BACH2: variants seen among roughly 807,000 people sequenced by gnomAD.
BACH2 encodes the protein transcription regulator protein BACH2.
In BACH2, 5 loss-of-function variants were observed where a neutral mutation model predicts 61.8. The observed-to-expected ratio is 0.08, with a 90% CI of 0.04 to 0.17. The LOEUF (loss-of-function observed/expected upper bound fraction) is 0.17. Ranked by LOEUF, BACH2 falls within the 10% of genes least tolerant of loss-of-function variation. The pLI is 1.00. For synonymous variants in BACH2, 446 were observed against 440.1 expected, an observed-to-expected ratio of 1.01 and a Z score of -0.17; for missense variants, 824 against 1,091.1, an observed-to-expected ratio of 0.76 and a Z score of 3.45.
At chr6:90,178,232 C>A (rs9344992) in intron 4 of BACH2, among the ~76,000 whole-genome samples, 1 of 152,066 alleles carries the variant, frequency 6.6e-6, no homozygotes, top group African/African-American at 2.4e-5. Context: ...AGCTCTAACA[C>A]TGAATTTCCC....
At chr6:90,145,563 G>A (rs1582416989) in intron 4 of BACH2, among the ~76,000 whole-genome samples, 1 of 152,178 alleles carries the variant, frequency 6.6e-6, no homozygotes, top group Non-Finnish European at 1.5e-5. Flanking sequence ...AGCTCTCCCA[G>A]AATGATGGAA....
intron 5 of BACH2, among the ~76,000 whole-genome samples, chr6:90,086,934 C>T (rs1371260907): frequency 6.6e-6 from 1 of 152,112 alleles, no homozygotes; most frequent in Non-Finnish European, 1.5e-5. Context: ...ATAATTACAT[C>T]ACTCACAACT....
chr6:89,974,109 C>T (rs1432001635), intron 6 of BACH2, among the ~76,000 whole-genome samples: 1 of 152,112 alleles, frequency 6.6e-6, no homozygotes, highest in Non-Finnish European at 1.5e-5. Context: ...ACCTGTTTCC[C>T]ACCTGTTAAA....
At chr6:90,065,140 A>G (rs1396239811) in intron 5 of BACH2, among the ~76,000 whole-genome samples, 2 of 151,864 alleles carry the variant, frequency 1.3e-5, no homozygotes, top group East Asian at 3.9e-4. Flanking sequence ...AAAAAAAAAA[A>G]GCCTATACAT....
intron 5 of BACH2, among the ~76,000 whole-genome samples, chr6:90,080,991 C>T (rs1347374084): frequency 6.6e-6 from 1 of 152,106 alleles, no homozygotes; most frequent in Non-Finnish European, 1.5e-5. Context: ...GCCACTGAGA[C>T]AACCACACCG....
At chr6:90,099,755 A>T (rs959074535) in intron 4 of BACH2, among the ~76,000 whole-genome samples, 1 of 152,212 alleles carries the variant, frequency 6.6e-6, no homozygotes, top group African/African-American at 2.4e-5. Flanking sequence ...AGGCTTAGGC[A>T]TTTTTTAACA....
Position 89,950,252 on chromosome 6 carries a change from T to TA in BACH2, c.1836+17_1836+18insT. ...CTAGAGAGTGGGTCACATGCTTGAA[T>TA]TTATGTGGGTTCCCTACCTCCTGGC... On this transcript the variant is annotated intron_variant, in intron 7 of 8. Transcript: ENST00000257749. This position sits in a 1 kb window ranked among gnomAD's most constrained non-coding sequence, Gnocchi z 5.3. The TA allele has an allele frequency of 6.2e-7, 1 of 1,613,926 alleles. No homozygotes were observed. The highest frequency in any genetic ancestry group is 8.5e-7 in the Non-Finnish European group (1 of 1,179,914).
At chr6:90,084,306 G>T (rs909514739) in intron 5 of BACH2, among the ~76,000 whole-genome samples, 1 of 151,972 alleles carries the variant, frequency 6.6e-6, no homozygotes, top group Non-Finnish European at 1.5e-5. Context: ...ATGTCATTTT[G>T]TCTCGGTGAC....
chr6:90,204,425 G>A (rs1769069782), intron 4 of BACH2, among the ~76,000 whole-genome samples: 1 of 152,128 alleles, frequency 6.6e-6, no homozygotes, highest in Non-Finnish European at 1.5e-5. Flanking sequence ...TGCCAAGAAA[G>A]CCATAAGAAA....
At chr6:90,148,888 C>T (rs569137647) in intron 4 of BACH2, among the ~76,000 whole-genome samples, 36 of 152,194 alleles carry the variant, frequency 2.4e-4, no homozygotes, top group African/African-American at 8.4e-4. Flanking sequence ...GTGGTGGTCT[C>T]GTGTACAGGG....
chr6:90,011,188 A>G (rs1289881198), intron 5 of BACH2, among the ~76,000 whole-genome samples: 1 of 152,176 alleles, frequency 6.6e-6, no homozygotes, highest in Non-Finnish European at 1.5e-5. Flanking sequence ...TAGCCCTTAC[A>G]TTTAGGTCTA....
chr6:89,949,225 T>C (rs1237604068), intron 7 of BACH2, among the ~76,000 whole-genome samples: 1 of 152,128 alleles, frequency 6.6e-6, no homozygotes, highest in Admixed American at 6.5e-5. Flanking sequence ...AGGAGGACCA[T>C]GTTTCATTTC....
At chr6:90,027,373 G>A (rs1318471777) in intron 5 of BACH2, among the ~76,000 whole-genome samples, 1 of 152,184 alleles carries the variant, frequency 6.6e-6, no homozygotes, top group Non-Finnish European at 1.5e-5. Flanking sequence ...TTAGTATACT[G>A]TTTAAGATAC....
intron 5 of BACH2, among the ~76,000 whole-genome samples, chr6:90,084,017 C>T (rs1781825203): frequency 6.6e-6 from 1 of 151,796 alleles, no homozygotes; most frequent in African/African-American, 2.4e-5. Context: ...TTACACCCCA[C>T]CTTTACTCAA....
chr6:90,027,672 A>AG (rs1203826567), intron 5 of BACH2, among the ~76,000 whole-genome samples: 2 of 152,088 alleles, frequency 1.3e-5, no homozygotes, highest in East Asian at 3.9e-4. Context: ...CCTTAGATAG[A>AG]GGGGCTCCAT....
At chr6:90,287,163 TCTACAGCCAGGTATTTAC>T (rs896500451) in intron 1 of BACH2, among the ~76,000 whole-genome samples, 7 of 152,112 alleles carry the variant, frequency 4.6e-5, no homozygotes, top group African/African-American at 1.7e-4. Context: ...GGGCGTTGAC[TCTACAGCCAGGTATTTAC>T]CTGCCAACAA....
chr6:90,182,618 T>A (rs1227769570), intron 4 of BACH2, among the ~76,000 whole-genome samples: 2 of 152,216 alleles, frequency 1.3e-5, no homozygotes, highest in Non-Finnish European at 2.9e-5. Context: ...TAGCCTTCAA[T>A]TAAATATTGG....
intron 7 of BACH2, among the ~76,000 whole-genome samples, chr6:89,944,467 A>G (rs1482023392): frequency 6.6e-6 from 1 of 152,262 alleles, no homozygotes; most frequent in Non-Finnish European, 1.5e-5. Context: ...GCTGATTTCT[A>G]TGCTGCCCAG....
chr6:89,944,762 AC>A (rs1312741401), intron 7 of BACH2, among the ~76,000 whole-genome samples: 1 of 151,576 alleles, frequency 6.6e-6, no homozygotes, highest in Non-Finnish European at 1.5e-5. Flanking sequence ...TCAGTGTAAA[AC>A]ATGTTAATAA....
Sources: gnomAD v4.1 joint callset for allele counts (sites outside exome capture counted in the v4.1 genomes callset) on GRCh38, gnomAD v4.1.1 for gene constraint, Gnocchi (gnomAD v3.1) non-coding constraint, MANE v1.5 for transcripts, NCBI Gene and HGNC (gene_info 2026-07-23, HGNC 2026-07-21) for gene names.